The following BEGAIN variants were observed in gnomAD, a reference collection of about 807,000 sequenced individuals.
BEGAIN encodes brain enriched guanylate kinase associated.
BEGAIN carries 19 observed loss-of-function variants against 35.8 expected under a neutral mutation model. The ratio of observed to expected loss-of-function variants is 0.53; its 90% CI spans 0.37 to 0.78. The LOEUF (loss-of-function observed/expected upper bound fraction) is 0.78, where lower values mean the gene tolerates loss of function less well. BEGAIN is among the 30% of genes least tolerant of loss of function. The pLI is 0.00. For missense variants in BEGAIN, 795 were observed against 853.6 expected (o/e 0.93, Z 0.85); for synonymous variants, 462 against 388.6 (o/e 1.19, Z -2.22).
chr14:100,569,677 C>G (rs2035007221), intron 1 of BEGAIN: 1 of 154,626 alleles, frequency 6.5e-6, no homozygotes, highest in Non-Finnish European at 1.5e-5. Flanking sequence ...AGGGTCAGAC[C>G]TGAACCAGGA....
At chr14:100,546,450 C>G (rs1419833988) in intron 3 of BEGAIN, 51 bp downstream of exon 3, 2 of 283,390 alleles carry the variant, frequency 7.1e-6, no homozygotes, top group African/African-American at 6.9e-5. Context: ...CGCCCCGGCC[C>G]TCGCCCCGCC....
At chr14:100,552,210 T>G (rs1223375654) in intron 2 of BEGAIN, among the ~76,000 whole-genome samples, 3 of 152,056 alleles carry the variant, frequency 2.0e-5, no homozygotes, top group Admixed American at 6.5e-5. Flanking sequence ...CAGGGGAAAC[T>G]GAGGCCCAGG....
rs1407021544 is a variant in BEGAIN, at chr14:100,537,361, G to A, written c.*608C>T. 1 of 152,654 alleles carries A rather than the reference G, an allele frequency of 6.6e-6. No homozygotes were observed. Among genetic ancestry groups the A allele is most frequent in the African/African-American group, 2.4e-5 (1 of 41,468 alleles). The allele number at this position is 152,654 out of a possible 1,614,324, so 9.5% of individuals were successfully genotyped here. ...TCATCCCGGCCCACCCGGGACGATG[G>A]GCCGTGGGAGGGCTCAGGGCGGTGT... On this transcript the variant is annotated 3_prime_UTR_variant, in exon 7 of 7. Transcript: ENST00000554140.
Position 100,568,620 on chromosome 14 carries a change from G to T in BEGAIN, c.43-681C>A. ...GCTTGCGCAGACCCGCCCGCGCGCGGCTTGGAGACCCTCCCTGCCCAGCCC... is the reference window on the plus strand; with the variant it reads ...GCTTGCGCAGACCCGCCCGCGCGCGTCTTGGAGACCCTCCCTGCCCAGCCC... On this transcript the variant is annotated intron_variant, in intron 1 of 6. Transcript: ENST00000554140. This position sits in a 1 kb window ranked among gnomAD's most constrained non-coding sequence, Gnocchi z 7.5. 1 of 920,776 alleles carries T rather than the reference G, an allele frequency of 1.1e-6. No homozygotes were observed. Among genetic ancestry groups the T allele is most frequent in the Non-Finnish European group, 1.4e-6 (1 of 690,454 alleles). The allele number at this position is 920,776 out of a possible 1,614,324, so 57.0% of individuals were successfully genotyped here.
chr14:100,562,129 G>T (rs775177513), intron 2 of BEGAIN, among the ~76,000 whole-genome samples: 7 of 152,178 alleles, frequency 4.6e-5, no homozygotes, highest in Non-Finnish European at 1.0e-4. Context: ...TCCGGGAGGG[G>T]TGTGGCCTGC....
At chr14:100,546,778 GCGCACACACACACACACACACACA>G in intron 2 of BEGAIN, 116 bp from the exon 3 acceptor site, 3 of 540,532 alleles carry the variant, frequency 5.6e-6, no homozygotes, top group Non-Finnish European at 8.5e-6. Flanking sequence ...GCGCGCGCGC[GCGCACACACACACACACACACACA>G]CACACACACA....
chr14:100,568,460 T>C lies in BEGAIN; in HGVS notation c.43-521A>G. 1 of 1,286,542 alleles carries C rather than the reference T, an allele frequency of 7.8e-7. No homozygotes were observed. The highest frequency in any genetic ancestry group is 1.0e-6 in the Non-Finnish European group (1 of 987,350). 79.7% of individuals were successfully genotyped at this position (1,286,542 alleles called of 1,614,324 possible). On this transcript the variant is annotated intron_variant, in intron 1 of 6. Coordinates refer to ENST00000554140, the MANE Select transcript of BEGAIN (RefSeq NM_001385089.1). This position sits in a 1 kb window ranked among gnomAD's most constrained non-coding sequence, Gnocchi z 7.5. ...TGACACTCACACAATCCGAGGGCGA[T>C]GGCATTTGGAGCCTCGACTCCTCAA...
In BEGAIN at chr14:100,567,803, G is replaced by C. The variant is rs1489575494; in HGVS notation, c.71+108C>G. Reference sequence around the variant, plus strand: ...CCGCAGCCCCGCCGAGGCCGCCCGCGGGCCCTGGGGGATGCGCTCGGGTGG... The same window carrying C: ...CCGCAGCCCCGCCGAGGCCGCCCGCCGGCCCTGGGGGATGCGCTCGGGTGG... On this transcript the variant is annotated intron_variant, in intron 2 of 6. Transcript: ENST00000554140. The surrounding 1 kb of genome is among the most constrained non-coding windows in gnomAD (Gnocchi z 5.1). 5.1e-6 allele frequency: 6 copies of C among 1,167,708 alleles called. No individual in the cohort carries two copies. In the East Asian group the frequency reaches 1.5e-4, roughly 30 times the overall value. The allele number at this position is 1,167,708 out of a possible 1,614,324, so 72.3% of individuals were successfully genotyped here.
chr14:100,547,169 C>T (rs2032634472), intron 2 of BEGAIN: 1 of 152,520 alleles, frequency 6.6e-6, no homozygotes, highest in Non-Finnish European at 1.5e-5. Context: ...ACCTGCTTTC[C>T]CCAAAATGGC....
chr14:100,579,403 T>G (rs1031615248), intron 1 of BEGAIN, among the ~76,000 whole-genome samples: 1 of 152,236 alleles, frequency 6.6e-6, no homozygotes, highest in African/African-American at 2.4e-5. Context: ...ACCTGGACCC[T>G]CCATCATTTG....
Position 100,545,048 on chromosome 14 carries a change from C to G in BEGAIN, c.252G>C (p.Met84Ile), listed in dbSNP as rs571419037. 54 of 1,613,322 alleles carry G rather than the reference C, an allele frequency of 3.3e-5. No homozygotes were observed. Among genetic ancestry groups the G allele is most frequent in the Non-Finnish European group, 4.3e-5 (51 of 1,179,998 alleles). The change falls in exon 4 of 7, where the codon ATG (methionine) becomes ATC (isoleucine). Residue 84 changes from methionine (M) to isoleucine (I), a missense_variant. Physicochemically the swap from Met to Ile is conservative, Grantham distance 10 (BLOSUM62 1). Around this residue, in one of 3 missense-constraint regions of BEGAIN, gnomAD observed 73 missense variants for 143.2 expected, o/e 0.51. Transcript: ENST00000554140. The part of the protein sequence containing the change: ...EKLRRIQSNY[M>I]ALQRINQELE... ...GCTCCTGGTTGATCCTCTGCAGTGC[C>G]ATGTAGTTGCTCTGAATCCTGGTGC...
rs911054638 is a variant in BEGAIN, at chr14:100,573,650, G to A, written c.43-5711C>T. 1.3e-5 allele frequency among the ~76,000 whole-genome samples: 2 copies of A among 152,096 alleles called. No homozygotes were observed. The highest frequency in any genetic ancestry group is 2.9e-5 in the Non-Finnish European group (2 of 68,002). ...AAGGAAGAGAACCCCTGAGGTGACA[G>A]AAGCATTGTGACCTCATGTTGAGCA... On this transcript the variant is annotated intron_variant, in intron 1 of 6. Coordinates refer to ENST00000554140, the MANE Select transcript of BEGAIN (RefSeq NM_001385089.1). The surrounding 1 kb of genome is among the most constrained non-coding windows in gnomAD (Gnocchi z 4.2).
chr14:100,545,408 CA>C, intron 3 of BEGAIN: 1 of 1,130,502 alleles, frequency 8.8e-7, no homozygotes, highest in Non-Finnish European at 1.1e-6. Context: ...ACAATTCTTA[CA>C]AACCTGTTAT....
Position 100,537,872 on chromosome 14 carries a change from C to G in BEGAIN, c.*97G>C. 1 of 1,453,324 alleles carries G rather than the reference C, an allele frequency of 6.9e-7. No homozygotes were observed. The highest frequency in any genetic ancestry group is 9.1e-7 in the Non-Finnish European group (1 of 1,100,202). The allele number at this position is 1,453,324 out of a possible 1,614,324, so 90.0% of individuals were successfully genotyped here. ...ACAGACTCCTCGTTGTTGGCCGGGG[C>G]AGGGGAACAGCGGGGGCTGGGGAGA... On this transcript the variant is annotated 3_prime_UTR_variant, in exon 7 of 7. Transcript: ENST00000554140.
Position 100,568,298 on chromosome 14 carries a change from C to A in BEGAIN, c.43-359G>T. On this transcript the variant is annotated intron_variant, in intron 1 of 6. Transcript: ENST00000554140. The surrounding 1 kb of genome is among the most constrained non-coding windows in gnomAD (Gnocchi z 7.5). ...CCCGTTAACTCTCCGGCGGCCGCGG[C>A]CCCGCTGCTCCCCCCGCCCCGCCCG... is the stretch of plus-strand genomic sequence containing the variant. 1.3e-6 allele frequency: 1 copy of A among 753,364 alleles called. No individual in the cohort carries two copies. 46.7% of individuals were successfully genotyped at this position (753,364 alleles called of 1,614,324 possible).
intron 2 of BEGAIN, chr14:100,550,483 C>G (rs567276195): frequency 2.5e-6 from 1 of 399,222 alleles, no homozygotes; most frequent in African/African-American, 2.1e-5. Flanking sequence ...CTGCCCGAGG[C>G]ACAAGGGCAC....
At position 100,538,383 on chromosome 14, in the gene BEGAIN, C is replaced by T. The variant is rs779860585; in HGVS notation, c.1425G>A (p.Pro475=). Residue 475 remains proline (P), a synonymous_variant, in exon 7 of 7, where the codon CCG becomes CCA. Coordinates refer to ENST00000554140, the MANE Select transcript of BEGAIN (RefSeq NM_001385089.1). ...TGGCGCGGCCGTCGGCCTTCTTGCC[C>T]GGGCTGCCCCCGGCCCCGCCGTAGT... ...ERYYGGAGGS[P]GKKADGRASP... is the part of the protein sequence containing the mutation. 9 of 1,516,236 alleles carry T rather than the reference C, an allele frequency of 5.9e-6. No individual in the cohort carries two copies. Among genetic ancestry groups the T allele is most frequent in the African/African-American group, 2.8e-5 (2 of 70,994 alleles). The allele number at this position is 1,516,236 out of a possible 1,614,324, so 93.9% of individuals were successfully genotyped here.
chr14:100,568,115 G>A lies in BEGAIN; in HGVS notation c.43-176C>T, dbSNP rs111752251. On this transcript the variant is annotated intron_variant, in intron 1 of 6. Coordinates refer to ENST00000554140, the MANE Select transcript of BEGAIN (RefSeq NM_001385089.1). This position sits in a 1 kb window ranked among gnomAD's most constrained non-coding sequence, Gnocchi z 7.5. ...CCGGCCGCGGCCCCCGTGACTCAGT[G>A]GGCGCGCCGGGCCGCGGCCGAGTAA... 0.054 allele frequency: 55,242 copies of A among 1,021,122 alleles called. 1,704 individuals carry two copies. Among genetic ancestry groups the A allele is most frequent in the Non-Finnish European group, 0.06 (51,464 of 854,384 alleles). The allele number at this position is 1,021,122 out of a possible 1,614,324, so 63.3% of individuals were successfully genotyped here. A position where few individuals can be genotyped will look rare whatever the true frequency, so the allele number is the denominator to read the frequency against.
At chr14:100,579,982 C>T (rs954207707) in intron 1 of BEGAIN, among the ~76,000 whole-genome samples, 1 of 152,116 alleles carries the variant, frequency 6.6e-6, no homozygotes, top group African/African-American at 2.4e-5. Flanking sequence ...CCGGCCTATC[C>T]CACAAACACG....
Sources: allele counts gnomAD v4.1 joint callset (sites outside exome capture counted in the v4.1 genomes callset), GRCh38; gene constraint gnomAD v4.1.1; regional missense constraint gnomAD v4.1.1; non-coding constraint Gnocchi (gnomAD v3.1); transcripts MANE v1.5; gene names NCBI Gene and HGNC (gene_info 2026-07-23, HGNC 2026-07-21).